CLINT1: variants seen among roughly 807,000 people sequenced by gnomAD.
CLINT1 encodes the protein clathrin interactor 1.
Under a neutral mutation model 70.4 loss-of-function variants are expected in CLINT1, and 15 were observed. The ratio of observed to expected loss-of-function variants is 0.21; its 90% CI spans 0.14 to 0.33. CLINT1 has a LOEUF of 0.33. Ranked by LOEUF, CLINT1 falls within the 10% of genes least tolerant of loss-of-function variation. CLINT1 has a pLI of 1.00. For synonymous variants in CLINT1, 227 were observed against 254.7 expected, an observed-to-expected ratio of 0.89 and a Z score of 1.04; for missense variants, 615 against 778.1, an observed-to-expected ratio of 0.79 and a Z score of 2.49.
At chr5:157,802,045 T>C (rs1270644401) in intron 8 of CLINT1, among the ~76,000 whole-genome samples, 1 of 151,888 alleles carries the variant, frequency 6.6e-6, no homozygotes, top group Non-Finnish European at 1.5e-5. Context: ...AAGGTGCCCA[T>C]CACCACGCCA....
chr5:157,854,336 C>T (rs754360626), intron 1 of CLINT1, among the ~76,000 whole-genome samples: 1 of 152,326 alleles, frequency 6.6e-6, no homozygotes, highest in Non-Finnish European at 1.5e-5. Flanking sequence ...GTAATCCCTG[C>T]GCTTCAGGAT....
At position 157,793,923 on chromosome 5, in the gene CLINT1, CACTA is replaced by C. The variant is rs1474949147; in HGVS notation, c.1087+971_1087+974del. 2.0e-5 allele frequency among the ~76,000 whole-genome samples: 3 copies of C among 152,132 alleles called. No individual in the cohort carries two copies. The East Asian group carries it at 5.8e-4, about 29-fold the overall frequency. ...TTATGTGACTTGTGATGAGTAACAA[CACTA>C]ACTCAGTCAAATTACATCTTTTCTC... On this transcript the variant is annotated intron_variant, in intron 9 of 11. Transcript: ENST00000411809.
chr5:157,789,003 G>T (rs1013373842), intron 11 of CLINT1, among the ~76,000 whole-genome samples: 8 of 138,862 alleles, frequency 5.8e-5, no homozygotes, highest in Admixed American at 2.9e-4. Context: ...AACATAGAAA[G>T]AAATATGTAT....
chr5:157,831,999 GTTTTT>G (rs1763261428), intron 1 of CLINT1, among the ~76,000 whole-genome samples: 1 of 150,370 alleles, frequency 6.7e-6, no homozygotes, highest in South Asian at 2.2e-4. Context: ...CCAGGCCACT[GTTTTT>G]TAAGACAGAG....
chr5:157,789,980 C>T (rs1351169834), intron 10 of CLINT1: 1 of 178,488 alleles, frequency 5.6e-6, no homozygotes, highest in African/African-American at 2.4e-5. Context: ...GTGGGCAGAT[C>T]ACCTGAGGTC....
intron 1 of CLINT1, among the ~76,000 whole-genome samples, chr5:157,832,973 A>G (rs1042351615): frequency 3.9e-5 from 6 of 152,222 alleles, no homozygotes; most frequent in African/African-American, 1.4e-4. Flanking sequence ...AGGGCCAAAG[A>G]GAGCTCTTGA....
Position 157,855,147 on chromosome 5 carries a change from A to C in CLINT1, c.41+3783T>G, listed in dbSNP as rs1293101562. On this transcript the variant is annotated intron_variant, in intron 1 of 11. Transcript: ENST00000411809. ...GGATAAAGTGAACTGTCTCCGAAAA[A>C]AAAAAAAGGCGGGGGGGGGGGCGGG... Among the ~76,000 whole-genome samples the C allele has an allele frequency of 8.0e-5, 5 of 62,334 alleles. No individual in the cohort carries two copies. The South Asian group carries it at 3.3e-3, about 41-fold the overall frequency. 40.9% of individuals were successfully genotyped at this position (62,334 alleles called of 152,430 possible).
At chr5:157,809,227 T>C (rs1490072310) in intron 6 of CLINT1, 1 of 153,880 alleles carries the variant, frequency 6.5e-6, no homozygotes, top group Non-Finnish European at 1.4e-5. Flanking sequence ...TTTATGGCAG[T>C]GAAACTATTC....
intron 4 of CLINT1, among the ~76,000 whole-genome samples, chr5:157,813,657 C>A (rs3822726): frequency 0.13 from 20,374 of 152,172 alleles, 1,793 homozygotes; most frequent in African/African-American, 0.25. Flanking sequence ...CCCCAGTACA[C>A]GTCTGGAACA....
chr5:157,788,301 G>A (rs1761789207), intron 11 of CLINT1, among the ~76,000 whole-genome samples: 1 of 152,116 alleles, frequency 6.6e-6, no homozygotes, highest in South Asian at 2.1e-4. Flanking sequence ...AAGAGCTAGT[G>A]TGTATAAAAA....
intron 1 of CLINT1, among the ~76,000 whole-genome samples, chr5:157,854,456 G>A (rs1010908572): frequency 6.6e-6 from 1 of 152,050 alleles, no homozygotes; most frequent in Admixed American, 6.6e-5. Flanking sequence ...GCATGGAGGC[G>A]CAGCTGTGGT....
chr5:157,823,720 A>G, intron 1 of CLINT1: 1 of 785,758 alleles, frequency 1.3e-6, no homozygotes, highest in Non-Finnish European at 1.5e-6. Context: ...TCTTCTTAAT[A>G]ATTTTTTTAA....
intron 1 of CLINT1, among the ~76,000 whole-genome samples, chr5:157,853,437 A>G (rs1039269426): frequency 5.3e-5 from 8 of 152,126 alleles, no homozygotes; most frequent in Non-Finnish European, 1.0e-4. Flanking sequence ...ACTCAAAATA[A>G]AAAAGGCTAA....
At chr5:157,810,031 C>T (rs935420585) in intron 5 of CLINT1, among the ~76,000 whole-genome samples, 4 of 152,180 alleles carry the variant, frequency 2.6e-5, no homozygotes, top group Admixed American at 1.3e-4. Context: ...TGAATACTTA[C>T]ACAACCTTAA....
intron 1 of CLINT1, among the ~76,000 whole-genome samples, chr5:157,845,484 C>T (rs1753339247): frequency 1.3e-5 from 2 of 151,964 alleles, no homozygotes; most frequent in African/African-American, 4.8e-5. Flanking sequence ...CCTAATTTTA[C>T]TGTGCTTTGC....
At chr5:157,831,682 G>A (rs980971304) in intron 1 of CLINT1, among the ~76,000 whole-genome samples, 2 of 147,792 alleles carry the variant, frequency 1.4e-5, no homozygotes, top group Admixed American at 6.9e-5. Context: ...AGTCCCAAGA[G>A]TGAAAATATC....
In CLINT1 at chr5:157,852,561, A is replaced by G. The variant is rs536822234; in HGVS notation, c.41+6369T>C. 2.6e-5 allele frequency among the ~76,000 whole-genome samples: 4 copies of G among 152,358 alleles called. No individual in the cohort carries two copies. The South Asian group carries it at 8.3e-4, about 32-fold the overall frequency. ...TTTGTGTGTAACAGTAATAACAGTAATAGATGTTTCAAGAGTTTACTGTAT... is the reference window on the plus strand; with the variant it reads ...TTTGTGTGTAACAGTAATAACAGTAGTAGATGTTTCAAGAGTTTACTGTAT... On this transcript the variant is annotated intron_variant, in intron 1 of 11. Transcript: ENST00000411809.
chr5:157,795,266 T>A (rs968814944), intron 8 of CLINT1: 1 of 298,860 alleles, frequency 3.3e-6, no homozygotes, highest in Non-Finnish European at 6.2e-6. Flanking sequence ...ATACAACTTA[T>A]CTAGCCAATT....
intron 1 of CLINT1, among the ~76,000 whole-genome samples, chr5:157,824,892 A>G (rs555983697): frequency 1.3e-5 from 2 of 152,324 alleles, no homozygotes; most frequent in African/African-American, 2.4e-5. Flanking sequence ...TAGCATCACA[A>G]ATTATGCTAC....
Sources: gnomAD v4.1 joint callset for allele counts (sites outside exome capture counted in the v4.1 genomes callset) on GRCh38, gnomAD v4.1.1 for gene constraint, MANE v1.5 for transcripts, NCBI Gene and HGNC (gene_info 2026-07-23, HGNC 2026-07-21) for gene names.